The following BAIAP2L1 variants were observed in gnomAD, a reference collection of about 807,000 sequenced individuals.
The protein encoded by BAIAP2L1 is BAR/IMD domain-containing adapter protein 2-like 1.
In BAIAP2L1, 35 loss-of-function variants were observed where a neutral mutation model predicts 66.3. That is an observed-to-expected ratio of 0.53 (90% CI 0.40 to 0.70). BAIAP2L1 has a LOEUF of 0.70. BAIAP2L1 is among the 30% of genes least tolerant of loss of function. The pLI is 0.00. For synonymous variants in BAIAP2L1, 269 were observed against 248.7 expected (o/e 1.08, Z -0.77); for missense variants, 622 against 656.9 (o/e 0.95, Z 0.58).
At chr7:98,344,124 C>G (rs1801816835) in intron 3 of BAIAP2L1, among the ~76,000 whole-genome samples, 1 of 152,158 alleles carries the variant, frequency 6.6e-6, no homozygotes, top group Admixed American at 6.6e-5. Context: ...TTGCAGTGAG[C>G]TGAGATCGCG....
chr7:98,310,648 C>A lies in BAIAP2L1; in HGVS notation c.808-56G>T, dbSNP rs574826362. 2.2e-3 allele frequency: 3,019 copies of A among 1,349,078 alleles called. 6 individuals are homozygous for A. The highest frequency in any genetic ancestry group is 2.9e-3 in the Non-Finnish European group (2,932 of 1,006,730). 83.6% of individuals were successfully genotyped at this position (1,349,078 alleles called of 1,614,324 possible). A position where few individuals can be genotyped will look rare whatever the true frequency, so the allele number is the denominator to read the frequency against. The stretch of plus-strand genomic sequence containing the variant: ...AGTATAGTGCAGAACCGGAATTACA[C>A]AGATTCCCAAGGCTGTTTTTTTTTT... On this transcript the variant is annotated intron_variant, in intron 8 of 13. Transcript: ENST00000005260.
Position 98,293,332 on chromosome 7 carries a change from T to G in BAIAP2L1, c.*189A>C. On this transcript the variant is annotated 3_prime_UTR_variant, in exon 14 of 14. Coordinates refer to ENST00000005260, the MANE Select transcript of BAIAP2L1 (RefSeq NM_018842.5). ...AGCTGGTCATTAGACTATTACTCATTTATCTTAAAGGCAGAAACTTGTCAA... is the reference window on the plus strand; with the variant it reads ...AGCTGGTCATTAGACTATTACTCATGTATCTTAAAGGCAGAAACTTGTCAA... 2 of 552,968 alleles carry G rather than the reference T, an allele frequency of 3.6e-6. No individual in the cohort carries two copies. The highest frequency in any genetic ancestry group is 2.8e-5 in the East Asian group (1 of 35,900). 34.3% of individuals were successfully genotyped at this position (552,968 alleles called of 1,614,324 possible). A position where few individuals can be genotyped will look rare whatever the true frequency, so the allele number is the denominator to read the frequency against.
intron 1 of BAIAP2L1, among the ~76,000 whole-genome samples, chr7:98,379,122 G>A (rs1035868045): frequency 2.0e-5 from 3 of 151,896 alleles, no homozygotes; most frequent in African/African-American, 4.8e-5. Context: ...CAGGCGATCC[G>A]CCCGCTTCAG....
chr7:98,342,812 C>T (rs1340855726), intron 3 of BAIAP2L1, among the ~76,000 whole-genome samples: 1 of 152,074 alleles, frequency 6.6e-6, no homozygotes, highest in Non-Finnish European at 1.5e-5. Context: ...TCTGTTTTCC[C>T]TTTCACCTTT....
intron 1 of BAIAP2L1, chr7:98,386,514 G>A (rs1047390863): frequency 8.1e-5 from 130 of 1,596,904 alleles, no homozygotes; most frequent in Admixed American, 5.2e-4. Context: ...CTTAGAAAAT[G>A]GATCAACCAC....
chr7:98,330,636 G>A (rs993877494), intron 3 of BAIAP2L1, among the ~76,000 whole-genome samples: 3 of 152,178 alleles, frequency 2.0e-5, no homozygotes, highest in African/African-American at 7.2e-5. Flanking sequence ...CAGCCTGGGT[G>A]ACAGAGCAAA....
At chr7:98,308,225 C>G (rs1336692397) in intron 9 of BAIAP2L1, 4 of 512,022 alleles carry the variant, frequency 7.8e-6, no homozygotes, top group African/African-American at 5.7e-5. Context: ...CTTAGAGAGA[C>G]AAACCGCTCC....
rs545009090 is a variant in BAIAP2L1, at chr7:98,343,903, C to T, written c.214+11139G>A. Among the ~76,000 whole-genome samples, 7 of 152,172 alleles carry T rather than the reference C, an allele frequency of 4.6e-5. No homozygotes were observed. The East Asian group carries it at 9.7e-4, about 21-fold the overall frequency. On this transcript the variant is annotated intron_variant, in intron 3 of 13. Coordinates refer to ENST00000005260, the MANE Select transcript of BAIAP2L1 (RefSeq NM_018842.5). ...TGTGTTCCAATAAAACTTTCCTGGC[C>T]GGCACAAAGGCTCACGCCTGTAATC...
intron 1 of BAIAP2L1, among the ~76,000 whole-genome samples, chr7:98,400,517 C>T (rs545679425): frequency 9.2e-6 from 1 of 108,420 alleles, no homozygotes; most frequent in South Asian, 3.6e-4. Context: ...AGAGGTACAG[C>T]GGGGCGGGAA....
Position 98,320,329 on chromosome 7 carries a change from A to C in BAIAP2L1, c.215-31T>G, listed in dbSNP as rs41375946. 3,542 of 1,509,466 alleles carry C rather than the reference A, an allele frequency of 2.3e-3. 70 individuals are homozygous for C. In the African/African-American group the frequency reaches 0.042, roughly 18 times the overall value. The allele number at this position is 1,509,466 out of a possible 1,614,324, so 93.5% of individuals were successfully genotyped here. A position where few individuals can be genotyped will look rare whatever the true frequency, so the allele number is the denominator to read the frequency against. On this transcript the variant is annotated intron_variant, in intron 3 of 13. Coordinates refer to ENST00000005260, the MANE Select transcript of BAIAP2L1 (RefSeq NM_018842.5). ...AACAAAACCAGATATGTTAGCGGGA[A>C]GCCATTGCGTATTTTTTTGTTTTGA...
intron 3 of BAIAP2L1, among the ~76,000 whole-genome samples, chr7:98,339,413 C>A (rs1212438017): frequency 7.9e-5 from 12 of 152,192 alleles, no homozygotes; most frequent in African/African-American, 2.9e-4. Flanking sequence ...TTACTTTTAA[C>A]AGTTTTGTTA....
chr7:98,343,282 C>CACACAG (rs1244771239), intron 3 of BAIAP2L1, among the ~76,000 whole-genome samples: 2 of 149,250 alleles, frequency 1.3e-5, no homozygotes, highest in African/African-American at 2.5e-5. Context: ...CACACACACA[C>CACACAG]ACACAGACAC....
chr7:98,303,304 T>G (rs1301175721), intron 12 of BAIAP2L1, among the ~76,000 whole-genome samples: 1 of 152,124 alleles, frequency 6.6e-6, no homozygotes, highest in Non-Finnish European at 1.5e-5. Context: ...ACACAAGGTA[T>G]AGGGGCCTGG....
chr7:98,356,469 G>T (rs546325246), intron 2 of BAIAP2L1, among the ~76,000 whole-genome samples: 2 of 151,900 alleles, frequency 1.3e-5, no homozygotes, highest in Admixed American at 6.6e-5. Context: ...ATGTATAATG[G>T]GCAATTGTTT....
intron 3 of BAIAP2L1, among the ~76,000 whole-genome samples, chr7:98,345,598 T>G (rs36019673): frequency 0.35 from 53,091 of 151,338 alleles, 11,695 homozygotes; most frequent in Middle Eastern, 0.54. Flanking sequence ...GGTGGGGGGG[T>G]ACTGTAGTCC....
chr7:98,321,603 G>A (rs1207446244), intron 3 of BAIAP2L1, among the ~76,000 whole-genome samples: 1 of 152,206 alleles, frequency 6.6e-6, no homozygotes, highest in African/African-American at 2.4e-5. Flanking sequence ...CTTTCTACAG[G>A]TGACATCTGA....
intron 2 of BAIAP2L1, among the ~76,000 whole-genome samples, chr7:98,359,125 C>G (rs1038871324): frequency 6.6e-6 from 1 of 152,154 alleles, no homozygotes; most frequent in Non-Finnish European, 1.5e-5. Context: ...GGAGTGAGCC[C>G]GGAGGGTCTG....
At chr7:98,399,209 G>A (rs1437546317) in intron 1 of BAIAP2L1, among the ~76,000 whole-genome samples, 3 of 152,132 alleles carry the variant, frequency 2.0e-5, no homozygotes. Context: ...GGCAACACAC[G>A]AATAGAAGAG....
chr7:98,373,687 C>T (rs1802561086), intron 1 of BAIAP2L1, among the ~76,000 whole-genome samples: 1 of 152,198 alleles, frequency 6.6e-6, no homozygotes, highest in South Asian at 2.1e-4. Context: ...ACTCTGCAAG[C>T]ACTTGATACT....
Sources: allele counts gnomAD v4.1 joint callset (sites outside exome capture counted in the v4.1 genomes callset), GRCh38; gene constraint gnomAD v4.1.1; transcripts MANE v1.5; gene names NCBI Gene and HGNC (gene_info 2026-07-23, HGNC 2026-07-21).